The following LEPR variants were observed in gnomAD, a reference collection of about 807,000 sequenced individuals.
LEPR encodes leptin receptor.
Under a neutral mutation model 114.7 loss-of-function variants are expected in LEPR, and 56 were observed. The ratio of observed to expected loss-of-function variants is 0.49; its 90% CI spans 0.39 to 0.61. The LOEUF (loss-of-function observed/expected upper bound fraction) is 0.61. Among genes scored for constraint, LEPR ranks in the 20% least tolerant of loss-of-function variants. The pLI is 0.00. For synonymous variants in LEPR, 443 were observed against 461.4 expected (o/e 0.96, Z 0.51); for missense variants, 1,202 against 1,352.9 (o/e 0.89, Z 1.75).
At chr1:65,449,414 C>G (rs1484265278) in intron 2 of LEPR, among the ~76,000 whole-genome samples, 2 of 152,084 alleles carry the variant, frequency 1.3e-5, no homozygotes, top group Non-Finnish European at 2.9e-5. Flanking sequence ...TCCCTGTGCT[C>G]CCCTGCACAG....
At chr1:65,453,817 G>A (rs1424143048) in intron 2 of LEPR, among the ~76,000 whole-genome samples, 1 of 152,020 alleles carries the variant, frequency 6.6e-6, no homozygotes, top group Non-Finnish European at 1.5e-5. Flanking sequence ...GCAGAGCTGA[G>A]TTCAATTCCT....
At chr1:65,595,596 T>C (rs1656011330) in intron 6 of LEPR, among the ~76,000 whole-genome samples, 1 of 152,076 alleles carries the variant, frequency 6.6e-6, no homozygotes. Flanking sequence ...AAGAGGAAAA[T>C]TGTGACCAAA....
At chr1:65,625,978 C>T (rs1407672658) in intron 19 of LEPR, 2 of 640,252 alleles carry the variant, frequency 3.1e-6, no homozygotes, top group Non-Finnish European at 5.5e-6. Flanking sequence ...CTGAAACACT[C>T]TCTCTTCAGC....
intron 5 of LEPR, among the ~76,000 whole-genome samples, chr1:65,590,485 A>G (rs1271920940): frequency 6.6e-6 from 1 of 151,408 alleles, no homozygotes; most frequent in African/African-American, 2.4e-5. Context: ...GTTCTTCACT[A>G]TTATGGCGGT....
At position 65,596,565 on chromosome 1, in the gene LEPR, C is replaced by G. The variant is rs865974827; in HGVS notation, c.821C>G (p.Ser274Ter). The G allele has an allele frequency of 6.2e-7, 1 of 1,612,280 alleles. No individual in the cohort carries two copies. The change falls in exon 7 of 20, where the codon TCA becomes TGA. Residue 274 changes from serine (S) to a stop codon, truncating the protein, a stop_gained. Coordinates refer to ENST00000349533, the MANE Select transcript of LEPR (RefSeq NM_002303.6). LOFTEE classifies it high-confidence loss of function. ...PFPLQYQVKY[S>*]ENSTTVIREA... ...CCACTTCAATATCAAGTGAAATATT[C>G]AGAGAATTCTACAACAGTTATCAGA...
At chr1:65,548,672 T>A (rs1651995114) in intron 2 of LEPR, among the ~76,000 whole-genome samples, 2 of 152,234 alleles carry the variant, frequency 1.3e-5, no homozygotes, top group African/African-American at 4.8e-5. Context: ...TAGATCCTCC[T>A]CCGTCCTTTT....
At chr1:65,626,040 G>A (rs1658188763) in intron 19 of LEPR, 1 of 1,294,400 alleles carries the variant, frequency 7.7e-7, no homozygotes, top group Non-Finnish European at 1.1e-6. Flanking sequence ...GTTTCTCAGT[G>A]TTCAGGAGGG....
chr1:65,526,499 A>C lies in LEPR; in HGVS notation c.-20-39047A>C, dbSNP rs931889371. Reference sequence around the variant, plus strand: ...TGTTATTTCTAGAACTTGTGTTTGCAAACAGATTAGAATTCTGGGCTCTTG... The same window carrying C: ...TGTTATTTCTAGAACTTGTGTTTGCCAACAGATTAGAATTCTGGGCTCTTG... On this transcript the variant is annotated intron_variant, in intron 2 of 19. Transcript: ENST00000349533. 3.5e-6 allele frequency: 3 copies of C among 865,996 alleles called. No individual in the cohort carries two copies. The African/African-American group carries it at 5.5e-5, about 16-fold the overall frequency. 53.6% of individuals were successfully genotyped at this position (865,996 alleles called of 1,614,324 possible).
At chr1:65,495,158 A>G (rs1262926215) in intron 2 of LEPR, among the ~76,000 whole-genome samples, 1 of 152,186 alleles carries the variant, frequency 6.6e-6, no homozygotes, top group Non-Finnish European at 1.5e-5. Flanking sequence ...TTTGCAACCT[A>G]TACATCCGAT....
chr1:65,460,795 CTG>C (rs1646935428), intron 2 of LEPR, among the ~76,000 whole-genome samples: 1 of 151,938 alleles, frequency 6.6e-6, no homozygotes, highest in Non-Finnish European at 1.5e-5. Flanking sequence ...TGAGCCAAGA[CTG>C]TGCCACTGCA....
intron 19 of LEPR, among the ~76,000 whole-genome samples, chr1:65,626,584 C>A (rs944356277): frequency 6.9e-6 from 1 of 145,160 alleles, no homozygotes; most frequent in African/African-American, 2.6e-5. Flanking sequence ...TAAAAATCTT[C>A]TAAAATTCAT....
intron 2 of LEPR, among the ~76,000 whole-genome samples, chr1:65,543,549 T>C (rs1233761151): frequency 1.3e-5 from 2 of 152,096 alleles, no homozygotes; most frequent in African/African-American, 4.8e-5. Context: ...TGCTCATGCC[T>C]ATGCCCTGAA....
At chr1:65,560,092 T>G (rs1393480058) in intron 2 of LEPR, among the ~76,000 whole-genome samples, 1 of 136,106 alleles carries the variant, frequency 7.3e-6, no homozygotes, top group East Asian at 2.0e-4. Flanking sequence ...GTGAAGAAAG[T>G]CATTGGTAGC....
At chr1:65,496,987 C>CATATATATAT (rs137868844) in intron 2 of LEPR, among the ~76,000 whole-genome samples, 134 of 150,444 alleles carry the variant, frequency 8.9e-4, no homozygotes, top group African/African-American at 2.5e-3. Flanking sequence ...TGTTCATATA[C>CATATATATAT]ATATATATAT....
chr1:65,487,914 C>T (rs573325941), intron 2 of LEPR, among the ~76,000 whole-genome samples: 43 of 146,900 alleles, frequency 2.9e-4, no homozygotes, highest in African/African-American at 4.7e-4. Flanking sequence ...TTTCTTTTTT[C>T]GTCTTTCTTT....
At chr1:65,615,778 G>T (rs1001075933) in intron 14 of LEPR, among the ~76,000 whole-genome samples, 1 of 152,078 alleles carries the variant, frequency 6.6e-6, no homozygotes, top group African/African-American at 2.4e-5. Context: ...ACCTCAAAAA[G>T]GGGAAAATAA....
intron 2 of LEPR, among the ~76,000 whole-genome samples, chr1:65,429,337 A>T (rs527595989): frequency 9.3e-4 from 141 of 152,316 alleles, no homozygotes; most frequent in Non-Finnish European, 1.5e-3. Flanking sequence ...GACAGAAAAA[A>T]GGCTGGTGTG....
chr1:65,618,702 A>ATATCC (rs541405579), intron 16 of LEPR, among the ~76,000 whole-genome samples: 1,640 of 152,218 alleles, frequency 0.011, 16 homozygotes, highest in Non-Finnish European at 0.016. Flanking sequence ...ATCATATCAT[A>ATATCC]TATCCTATCC....
chr1:65,567,967 G>A (rs943844375), intron 3 of LEPR, among the ~76,000 whole-genome samples: 1 of 151,944 alleles, frequency 6.6e-6, no homozygotes, highest in African/African-American at 2.4e-5. Flanking sequence ...GTTGTATATT[G>A]TATGAATGTT....
Sources: gnomAD v4.1 joint callset for allele counts (sites outside exome capture counted in the v4.1 genomes callset) on GRCh38, gnomAD v4.1.1 for gene constraint, MANE v1.5 for transcripts, NCBI Gene and HGNC (gene_info 2026-07-23, HGNC 2026-07-21) for gene names.